The following HSPA12A variants were observed in gnomAD, a reference collection of about 807,000 sequenced individuals.
HSPA12A encodes the protein heat shock protein family A (Hsp70) member 12A, also known as heat shock 70 kDa protein 12A.
In HSPA12A, 28 loss-of-function variants were observed where a neutral mutation model predicts 69.2. The observed-to-expected ratio is 0.40, with a 90% CI of 0.30 to 0.55. The LOEUF is 0.55. Among genes scored for constraint, HSPA12A ranks in the 20% least tolerant of loss-of-function variants. The pLI, the probability that HSPA12A is intolerant of heterozygous loss-of-function variation, is 0.38. For synonymous variants in HSPA12A, 345 were observed against 370.5 expected, an observed-to-expected ratio of 0.93 and a Z score of 0.79; for missense variants, 686 against 900.7, an observed-to-expected ratio of 0.76 and a Z score of 3.05.
intron 2 of HSPA12A, among the ~76,000 whole-genome samples, chr10:116,762,010 G>C (rs1480943116): frequency 6.6e-6 from 1 of 152,186 alleles, no homozygotes; most frequent in Non-Finnish European, 1.5e-5. Context: ...TTGTGCTAAG[G>C]CTGGCCTGGA....
intron 7 of HSPA12A, 84 bp downstream of exon 7, chr10:116,683,707 G>T (rs1849485970): frequency 7.6e-7 from 1 of 1,308,252 alleles, no homozygotes; most frequent in Non-Finnish European, 1.0e-6. Context: ...GGCACTAAGT[G>T]CCTTTAAAAT....
At chr10:116,773,029 C>T (rs1844248582) in intron 2 of HSPA12A, among the ~76,000 whole-genome samples, 1 of 152,166 alleles carries the variant, frequency 6.6e-6, no homozygotes, top group African/African-American at 2.4e-5. Flanking sequence ...AGAAGGGGCT[C>T]ATTCAGTCAG....
intron 1 of HSPA12A, among the ~76,000 whole-genome samples, chr10:116,724,555 G>T (rs948529388): frequency 4.6e-5 from 7 of 152,154 alleles, no homozygotes; most frequent in Non-Finnish European, 7.3e-5. Flanking sequence ...AGTCTGGAAG[G>T]CTCCCCACCA....
chr10:116,715,470 G>T (rs188255532), intron 1 of HSPA12A, among the ~76,000 whole-genome samples: 3 of 152,288 alleles, frequency 2.0e-5, no homozygotes, highest in Admixed American at 2.0e-4. Context: ...AAGAGCCCTT[G>T]TCCTCTAGGG....
intron 4 of HSPA12A, 121 bp downstream of exon 4, chr10:116,700,822 C>A: frequency 2.4e-6 from 2 of 842,540 alleles, no homozygotes; most frequent in East Asian, 2.4e-5. Context: ...ACACTGATTT[C>A]TGCTTGGAAG....
At chr10:116,690,264 G>C (rs1399929574) in intron 6 of HSPA12A, among the ~76,000 whole-genome samples, 2 of 152,092 alleles carry the variant, frequency 1.3e-5, no homozygotes, top group Non-Finnish European at 2.9e-5. Flanking sequence ...AGTATGCAAG[G>C]CTTCAGTGAA....
At chr10:116,781,896 C>A (rs1264434233) in intron 2 of HSPA12A, among the ~76,000 whole-genome samples, 1 of 152,194 alleles carries the variant, frequency 6.6e-6, no homozygotes, top group Non-Finnish European at 1.5e-5. Flanking sequence ...CTGATTCATT[C>A]TACCAGGTTA....
At chr10:116,827,932 T>C (rs974037970) in intron 2 of HSPA12A, among the ~76,000 whole-genome samples, 2 of 152,168 alleles carry the variant, frequency 1.3e-5, no homozygotes, top group African/African-American at 4.8e-5. Flanking sequence ...ATATGACCAA[T>C]TGTGTTCCTT....
At chr10:116,744,929 T>C (rs1306646794), upstream of HSPA12A, among the ~76,000 whole-genome samples, 1 of 152,124 alleles carries the variant, frequency 6.6e-6, no homozygotes, top group Non-Finnish European at 1.5e-5. Flanking sequence ...AGAGAGAGCA[T>C]GTCATTCTCC....
intron 2 of HSPA12A, among the ~76,000 whole-genome samples, chr10:116,792,543 G>A (rs948760548): frequency 4.1e-4 from 62 of 150,830 alleles, no homozygotes; most frequent in African/African-American, 1.4e-3. Flanking sequence ...TTGGGAGGCC[G>A]AGGCAGGCAG....
intron 1 of HSPA12A, among the ~76,000 whole-genome samples, chr10:116,843,305 C>G (rs934278064): frequency 1.3e-5 from 2 of 152,166 alleles, no homozygotes; most frequent in South Asian, 4.1e-4. Context: ...TTTAAAGGCT[C>G]CCTTTTAATT....
chr10:116,754,078 G>A (rs1554888564), intron 2 of HSPA12A, among the ~76,000 whole-genome samples: 1 of 152,214 alleles, frequency 6.6e-6, no homozygotes, highest in East Asian at 1.9e-4. Flanking sequence ...GCAGGGGTCA[G>A]CTATGAGCAA....
chr10:116,825,711 G>A (rs1024166488), intron 2 of HSPA12A, among the ~76,000 whole-genome samples: 7 of 152,160 alleles, frequency 4.6e-5, no homozygotes, highest in East Asian at 1.9e-4. Flanking sequence ...TGGGGGAAAC[G>A]AGGAGTGGCT....
chr10:116,774,287 G>A (rs542421909), intron 2 of HSPA12A, among the ~76,000 whole-genome samples: 3 of 152,318 alleles, frequency 2.0e-5, no homozygotes, highest in East Asian at 3.9e-4. Context: ...GGGATTACAG[G>A]CGTGAGCCAC....
At chr10:116,722,602 C>G (rs1426031258) in intron 1 of HSPA12A, among the ~76,000 whole-genome samples, 1 of 152,092 alleles carries the variant, frequency 6.6e-6, no homozygotes, top group Non-Finnish European at 1.5e-5. Flanking sequence ...TCCCCTGCAC[C>G]CCACACTCGG....
At chr10:116,776,439 G>A (rs1554891157) in intron 2 of HSPA12A, among the ~76,000 whole-genome samples, 1 of 152,188 alleles carries the variant, frequency 6.6e-6, no homozygotes, top group Non-Finnish European at 1.5e-5. Flanking sequence ...ATGGCTTACA[G>A]TAAAACTCTA....
chr10:116,703,450 C>A (rs2132973799), intron 3 of HSPA12A, among the ~76,000 whole-genome samples: 1 of 152,040 alleles, frequency 6.6e-6, no homozygotes, highest in Non-Finnish European at 1.5e-5. Flanking sequence ...AGGAGGATCA[C>A]TTCAGCCCAG....
intron 2 of HSPA12A, among the ~76,000 whole-genome samples, chr10:116,799,865 T>C (rs1475682613): frequency 6.6e-6 from 1 of 152,236 alleles, no homozygotes; most frequent in Admixed American, 6.5e-5. Context: ...GGCCAGGCCC[T>C]GTTCCAGATG....
rs1483191031 is a variant in HSPA12A, at chr10:116,834,993, A to T, written c.33T>A (p.Cys11Ter). Reference sequence around the variant, plus strand: ...TCATTTTGTTCTTTGCTTTACACCCACAGAATCCGTACACGCCAACACTCT... The same window carrying T: ...TCATTTTGTTCTTTGCTTTACACCCTCAGAATCCGTACACGCCAACACTCT... The change falls in exon 2 of 13, where the codon TGT (cysteine) becomes TGA (stop). Residue 11 changes from cysteine to a stop codon, truncating the protein, a stop_gained. Transcript: ENST00000635765. LOFTEE classifies it high-confidence loss of function. The T allele has an allele frequency of 8.1e-7, 1 of 1,231,390 alleles. No individual in the cohort carries two copies. Among genetic ancestry groups the T allele is most frequent in the Non-Finnish European group, 1.0e-6 (1 of 987,554 alleles). 76.3% of individuals were successfully genotyped at this position (1,231,390 alleles called of 1,614,324 possible).
Sources: gnomAD v4.1 joint callset for allele counts (sites outside exome capture counted in the v4.1 genomes callset) on GRCh38, gnomAD v4.1.1 for gene constraint, MANE v1.5 for transcripts, NCBI Gene and HGNC (gene_info 2026-07-23, HGNC 2026-07-21) for gene names.